The following KLB variants were observed in gnomAD, a reference collection of about 807,000 sequenced individuals.
The protein encoded by KLB is beta-klotho.
A neutral mutation model predicts 88.4 loss-of-function variants in KLB; 44 were observed. The ratio of observed to expected loss-of-function variants is 0.50; its 90% confidence interval spans 0.39 to 0.64. The LOEUF is 0.64. KLB is among the 30% of genes least tolerant of loss of function. KLB has a pLI of 0.00. For synonymous variants in KLB, 548 were observed against 513.4 expected (o/e 1.07, Z -0.91); for missense variants, 1,137 against 1,304.8 (o/e 0.87, Z 1.98).
At chr4:39,418,317 T>C (rs1297384082) in intron 1 of KLB, among the ~76,000 whole-genome samples, 1 of 152,136 alleles carries the variant, frequency 6.6e-6, no homozygotes, top group African/African-American at 2.4e-5. Flanking sequence ...CTCGGCTCAC[T>C]GCAACCTCCA....
chr4:39,420,709 CT>C (rs1424958961), intron 1 of KLB, among the ~76,000 whole-genome samples: 1 of 151,984 alleles, frequency 6.6e-6, no homozygotes. Context: ...GAAACAAGGT[CT>C]GACTCTTGTT....
chr4:39,449,505 G>A lies in KLB; in HGVS notation c.*819G>A, dbSNP rs566298230. The A allele has an allele frequency of 6.6e-6, 1 of 151,438 alleles. No individual in the cohort carries two copies. Among genetic ancestry groups the A allele is most frequent in the South Asian group, 2.1e-4 (1 of 4,804 alleles). The allele number at this position is 151,438 out of a possible 1,614,324, so 9.4% of individuals were successfully genotyped here. A position where few individuals can be genotyped will look rare whatever the true frequency, so the allele number is the denominator to read the frequency against. On this transcript the variant is annotated 3_prime_UTR_variant, in exon 5 of 5. Coordinates refer to ENST00000257408, the MANE Select transcript of KLB (RefSeq NM_175737.4). ...GAAAGAAAACACAATAGGGTAAGTAGTGCTTGTCTAAGCCAGTTACAACAC... is the reference window on the plus strand; with the variant it reads ...GAAAGAAAACACAATAGGGTAAGTAATGCTTGTCTAAGCCAGTTACAACAC...
At chr4:39,440,890 C>G (rs1345990445) in intron 3 of KLB, among the ~76,000 whole-genome samples, 1 of 152,098 alleles carries the variant, frequency 6.6e-6, no homozygotes, top group Admixed American at 6.6e-5. Context: ...TAGAGTCTCA[C>G]TTTGTCTTCC....
intron 1 of KLB, among the ~76,000 whole-genome samples, chr4:39,411,308 T>G (rs1406484256): frequency 7.6e-6 from 1 of 131,112 alleles, no homozygotes; most frequent in Non-Finnish European, 1.6e-5. Context: ...AAAACTAAGG[T>G]TTTTTTTGTT....
In KLB at chr4:39,446,878, G is replaced by C; in HGVS notation, c.2152G>C (p.Ala718Pro). 1.2e-6 allele frequency: 2 copies of C among 1,608,998 alleles called. No homozygotes were observed. The highest frequency in any genetic ancestry group is 1.7e-6 in the Non-Finnish European group (2 of 1,179,764). The stretch of plus-strand genomic sequence containing the variant: ...CGGGGCGGCGCACAACCTGCTGGTG[G>C]CCCACGCCCTGGCCTGGCGCCTCTA... The part of the protein sequence containing the change: ...TYGAAHNLLV[A>P]HALAWRLYDR... Residue 718 changes from alanine to proline, a missense_variant, in exon 4 of 5, where the codon GCC becomes CCC. Transcript: ENST00000257408. The surrounding 1 kb of genome is among the most constrained non-coding windows in gnomAD (Gnocchi z 6.4).
chr4:39,416,864 G>A (rs1445017088), intron 1 of KLB, among the ~76,000 whole-genome samples: 3 of 152,058 alleles, frequency 2.0e-5, no homozygotes, highest in Admixed American at 6.6e-5. Flanking sequence ...CTTTGCCAAC[G>A]GACTGCTGCA....
chr4:39,435,619 G>T (rs1368654762), intron 2 of KLB, among the ~76,000 whole-genome samples: 1 of 148,290 alleles, frequency 6.7e-6, no homozygotes, highest in South Asian at 2.1e-4. Context: ...AGAGACGGGG[G>T]TTCAACATGT....
chr4:39,437,105 C>T (rs567526673), intron 2 of KLB, among the ~76,000 whole-genome samples: 3 of 152,300 alleles, frequency 2.0e-5, no homozygotes, highest in African/African-American at 7.2e-5. Context: ...ATTTTCCAAT[C>T]TTTTTTGTTT....
At position 39,434,619 on chromosome 4, in the gene KLB, T is replaced by C; in HGVS notation, c.1235T>C (p.Ile412Thr). 2 of 1,614,066 alleles carry C rather than the reference T, an allele frequency of 1.2e-6. No individual in the cohort carries two copies. Among genetic ancestry groups the C allele is most frequent in the Non-Finnish European group, 8.5e-7 (1 of 1,179,952 alleles). The part of the protein sequence containing the change: ...WIKLEYNNPR[I>T]LIAENGWFTD... The stretch of plus-strand genomic sequence containing the variant: ...AAACTGGAATACAACAACCCTCGAA[T>C]CTTGATTGCTGAGAATGGCTGGTTC... Residue 412 changes from isoleucine (I) to threonine (T), a missense_variant, in exon 2 of 5, where the codon ATC becomes ACC. Transcript: ENST00000257408.
At chr4:39,441,207 G>T (rs1208055151) in intron 3 of KLB, among the ~76,000 whole-genome samples, 1 of 152,104 alleles carries the variant, frequency 6.6e-6, no homozygotes, top group African/African-American at 2.4e-5. Context: ...TGATTAAAGG[G>T]GGAAAGTTAT....
At position 39,447,106 on chromosome 4, in the gene KLB, C is replaced by A. The variant is rs1198078958; in HGVS notation, c.2380C>A (p.His794Asn). The change falls in exon 4 of 5, where the codon CAC becomes AAC. Residue 794 changes from histidine (H) to asparagine (N), a missense_variant. This residue lies in a region of KLB where 426 missense variants were observed against 404.6 expected (regional missense o/e 1.05). Coordinates refer to ENST00000257408, the MANE Select transcript of KLB (RefSeq NM_175737.4). Reference protein sequence around the residue: ...AAMREYIASKHRRGLSSSALP... With the variant: ...AAMREYIASKNRRGLSSSALP... ...CATGAGGGAATACATTGCCTCCAAG[C>A]ACCGACGGGGGCTTTCCAGCTCGGC... 2 of 1,613,336 alleles carry A rather than the reference C, an allele frequency of 1.2e-6. No individual in the cohort carries two copies. Among genetic ancestry groups the A allele is most frequent in the South Asian group, 1.1e-5 (1 of 91,064 alleles).
chr4:39,440,175 T>C (rs149863801), intron 3 of KLB, among the ~76,000 whole-genome samples: 1 of 151,782 alleles, frequency 6.6e-6, no homozygotes, highest in Non-Finnish European at 1.5e-5. Flanking sequence ...AGACAGAGTC[T>C]TACTGTGTTG....
At position 39,446,649 on chromosome 4, in the gene KLB, G is replaced by A; in HGVS notation, c.1923G>A (p.Leu641=). 1.9e-6 allele frequency: 3 copies of A among 1,613,208 alleles called. No homozygotes were observed. The highest frequency in any genetic ancestry group is 2.5e-6 in the Non-Finnish European group (3 of 1,179,496). The change falls in exon 4 of 5, where the codon CTG becomes CTA. Residue 641 remains leucine (L), a synonymous_variant. Coordinates refer to ENST00000257408, the MANE Select transcript of KLB (RefSeq NM_175737.4). This position sits in a 1 kb window ranked among gnomAD's most constrained non-coding sequence, Gnocchi z 6.4. The part of the protein sequence containing the change: ...LKLGISAMVT[L]YYPTHAHLGL... ...TTGGCATCTCCGCGATGGTCACCCT[G>A]TATTATCCGACCCACGCCCACCTAG...
At chr4:39,416,241 A>G (rs1357947430) in intron 1 of KLB, among the ~76,000 whole-genome samples, 2 of 152,058 alleles carry the variant, frequency 1.3e-5, no homozygotes, top group African/African-American at 4.8e-5. Context: ...CAGAATTTTG[A>G]TGGCTGTTAA....
At chr4:39,413,738 AT>A (rs200549683) in intron 1 of KLB, among the ~76,000 whole-genome samples, 201 of 150,968 alleles carry the variant, frequency 1.3e-3, no homozygotes, top group African/African-American at 4.6e-3. Flanking sequence ...AAAAAAAAAA[AT>A]AAATAAAATA....
At chr4:39,430,303 A>C (rs1488969650) in intron 1 of KLB, among the ~76,000 whole-genome samples, 1 of 151,806 alleles carries the variant, frequency 6.6e-6, no homozygotes, top group Non-Finnish European at 1.5e-5. Flanking sequence ...GTCTTCCATG[A>C]ATGATAGCTC....
intron 1 of KLB, among the ~76,000 whole-genome samples, chr4:39,430,506 C>T (rs1743323176): frequency 2.6e-5 from 4 of 151,704 alleles, no homozygotes. Flanking sequence ...AGTGTCTGTC[C>T]CAGGCCCCTC....
At chr4:39,414,871 GAAAAAAAA>G (rs1009834880) in intron 1 of KLB, among the ~76,000 whole-genome samples, 2 of 50,298 alleles carry the variant, frequency 4.0e-5, no homozygotes, top group South Asian at 1.3e-3. Flanking sequence ...TCTGTCTCAG[GAAAAAAAA>G]AAAAAAAAAA....
chr4:39,437,411 A>G (rs1203420828), intron 2 of KLB, among the ~76,000 whole-genome samples: 3 of 152,202 alleles, frequency 2.0e-5, no homozygotes, highest in Non-Finnish European at 4.4e-5. Flanking sequence ...ATTTGTCCCA[A>G]AGAGTTCTGG....
Sources: gnomAD v4.1 joint callset for allele counts (sites outside exome capture counted in the v4.1 genomes callset) on GRCh38, gnomAD v4.1.1 for gene constraint, gnomAD v4.1.1 regional missense constraint, Gnocchi (gnomAD v3.1) non-coding constraint, MANE v1.5 for transcripts, NCBI Gene and HGNC (gene_info 2026-07-23, HGNC 2026-07-21) for gene names.